The following PDXDC1 variants were observed in gnomAD, a reference collection of about 807,000 sequenced individuals.
The protein encoded by PDXDC1 is pyridoxal-dependent decarboxylase domain-containing protein 1.
PDXDC1 carries 42 observed loss-of-function variants against 100.1 expected under a neutral mutation model. The ratio of observed to expected loss-of-function variants is 0.42; its 90% confidence interval spans 0.33 to 0.54. The LOEUF (loss-of-function observed/expected upper bound fraction) is 0.54, where lower values mean the gene tolerates loss of function less well. PDXDC1 is among the 20% of genes least tolerant of loss of function. The pLI is 0.10. For synonymous variants in PDXDC1, 260 were observed against 371.7 expected (o/e 0.70, Z 3.46); for missense variants, 636 against 979.2 (o/e 0.65, Z 4.68).
chr16:15,083,967 C>T (rs1192663299), intron 16 of PDXDC1, among the ~76,000 whole-genome samples: 1 of 152,340 alleles, frequency 6.6e-6, no homozygotes, highest in Admixed American at 6.5e-5. Context: ...CCGCCCGCCT[C>T]GGCCTCCCAA....
chr16:15,072,096 TCTC>T (rs1289330115), intron 16 of PDXDC1, among the ~76,000 whole-genome samples: 3 of 151,732 alleles, frequency 2.0e-5, no homozygotes, highest in African/African-American at 4.8e-5. Context: ...ACTTCCAACT[TCTC>T]CTAAATAGCG....
rs556537918 is a variant in PDXDC1, at chr16:15,092,841, A to G, written c.1400-46038A>G. ...CAAATCTCTCAGTGTGGTCTTTAAG[A>G]TCCTACATTAATCTGGCCCCTGCCT... On this transcript the variant is annotated intron_variant, in intron 16 of 16. Coordinates refer to the PDXDC1 transcript ENST00000535621. 2.6e-5 allele frequency among the ~76,000 whole-genome samples: 4 copies of G among 152,200 alleles called. No individual in the cohort carries two copies. The South Asian group carries it at 8.3e-4, about 32-fold the overall frequency.
chr16:15,093,887 G>A (rs2151832720), intron 16 of PDXDC1: 2 of 524,236 alleles, frequency 3.8e-6, no homozygotes, highest in Non-Finnish European at 6.6e-6. Context: ...GCAGTACCCA[G>A]GCCTGGGAAA....
intron 8 of PDXDC1, among the ~76,000 whole-genome samples, chr16:15,013,348 C>CAAAAAAAA (rs1310266362): frequency 1.8e-5 from 2 of 111,814 alleles, no homozygotes; most frequent in African/African-American, 3.5e-5. Context: ...GACCCTATCT[C>CAAAAAAAA]AAAAAAAAAA....
At chr16:15,121,995 G>A (rs113205136) in intron 16 of PDXDC1, 4 of 263,000 alleles carry the variant, frequency 1.5e-5, no homozygotes, top group South Asian at 1.0e-4. Context: ...ACAAAAATTA[G>A]CCAGGCGTGG....
At chr16:15,032,179 C>A in intron 17 of PDXDC1, 1 of 481,878 alleles carries the variant, frequency 2.1e-6, no homozygotes, top group Non-Finnish European at 3.7e-6. Flanking sequence ...GTATATATCA[C>A]TCACTGAGAA....
Position 15,031,844 on chromosome 16 carries a change from G to A in PDXDC1, c.1509G>A (p.Val503=), listed in dbSNP as rs777478705. Residue 503 remains valine, a synonymous_variant, in exon 17 of 23, where the codon GTG becomes GTA. Coordinates refer to ENST00000396410, the MANE Select transcript of PDXDC1 (RefSeq NM_015027.4). ...TGCGTGAAGAGTTCAAGCAGGAAGTGGAAGCAACAGCAGGTCTCCTATATG... is the reference window on the plus strand; with the variant it reads ...TGCGTGAAGAGTTCAAGCAGGAAGTAGAAGCAACAGCAGGTCTCCTATATG... The part of the protein sequence containing the change: ...LQLREEFKQE[V]EATAGLLYVD... 6.2e-7 allele frequency: 1 copy of A among 1,614,040 alleles called. No homozygotes were observed. Among genetic ancestry groups the A allele is most frequent in the Non-Finnish European group, 8.5e-7 (1 of 1,179,958 alleles).
At chr16:15,035,370 A>G in intron 21 of PDXDC1, 79 bp from the exon 22 acceptor site, 1 of 701,434 alleles carries the variant, frequency 1.4e-6, no homozygotes, top group South Asian at 2.0e-5. Context: ...ATTGGGGAGC[A>G]AGGCTGTGTG....
intron 1 of PDXDC1, among the ~76,000 whole-genome samples, chr16:14,981,717 G>A (rs138832596): frequency 4.0e-3 from 616 of 152,196 alleles, no homozygotes; most frequent in African/African-American, 0.014. Flanking sequence ...TCTGAGTCAA[G>A]TGATTAGAGG....
the PDXDC1 span, among the ~76,000 whole-genome samples, chr16:15,148,257 G>A: frequency 1.3e-5 from 2 of 151,730 alleles, no homozygotes; most frequent in African/African-American, 2.4e-5. Context: ...GCGCCCGGCT[G>A]GACAGTGGTT....
chr16:15,055,976 G>C (rs2044498677), intron 16 of PDXDC1: 20 of 1,220,402 alleles, frequency 1.6e-5, no homozygotes, highest in Non-Finnish European at 1.9e-5. Context: ...CGGCATCGCG[G>C]AGGCGGCCGC....
chr16:15,111,367 A>T (rs1388588977), intron 16 of PDXDC1, among the ~76,000 whole-genome samples: 1 of 147,450 alleles, frequency 6.8e-6, no homozygotes, highest in African/African-American at 2.5e-5. Context: ...GAGGCAGGAG[A>T]ATCACTTGAA....
chr16:15,062,117 C>CT (rs1451301918), intron 16 of PDXDC1, among the ~76,000 whole-genome samples: 2 of 152,182 alleles, frequency 1.3e-5, no homozygotes, highest in Non-Finnish European at 2.9e-5. Context: ...AGTTCCGAAT[C>CT]CAGCCTGGGC....
chr16:14,996,995 G>T (rs1430255143), intron 1 of PDXDC1, among the ~76,000 whole-genome samples: 1 of 152,190 alleles, frequency 6.6e-6, no homozygotes, highest in African/African-American at 2.4e-5. Flanking sequence ...GTCATGCGTT[G>T]CCGGTACCCT....
intron 16 of PDXDC1, among the ~76,000 whole-genome samples, chr16:15,066,595 T>C (rs937748773): frequency 6.6e-6 from 1 of 150,872 alleles, no homozygotes; most frequent in Non-Finnish European, 1.5e-5. Context: ...ATCACGCCAC[T>C]GTACTCCAGC....
intron 1 of PDXDC1, among the ~76,000 whole-genome samples, chr16:14,991,794 A>T (rs1370291041): frequency 6.6e-6 from 1 of 152,264 alleles, no homozygotes; most frequent in African/African-American, 2.4e-5. Flanking sequence ...AAGTGCTGGG[A>T]TTACAGGCAT....
intron 1 of PDXDC1, among the ~76,000 whole-genome samples, chr16:14,996,979 G>A (rs1333339327): frequency 2.6e-5 from 4 of 152,262 alleles, no homozygotes; most frequent in Admixed American, 6.5e-5. Flanking sequence ...TTGCCTTGGA[G>A]TGTAGGTCAT....
rs184986413 is a variant in PDXDC1, at chr16:15,068,339, C to T, written c.1399+38283C>T. 2.0e-4 allele frequency: 308 copies of T among 1,508,320 alleles called. 1 individual carries two copies. In the African/African-American group the frequency reaches 4.0e-3, roughly 20 times the overall value. The allele number at this position is 1,508,320 out of a possible 1,614,324, so 93.4% of individuals were successfully genotyped here. ...ACAAATAAGTGAAAAGTGTAAGATA[C>T]TTTTAAAAGCACAAATTATCACACA... is the stretch of plus-strand genomic sequence containing the variant. On this transcript the variant is annotated intron_variant, in intron 16 of 16. Transcript: ENST00000535621.
At chr16:15,035,964 T>A (rs2043416015) in intron 22 of PDXDC1, 52 bp from the exon 23 acceptor site, 1 of 1,547,192 alleles carries the variant, frequency 6.5e-7, no homozygotes, top group African/African-American at 1.4e-5. Context: ...CAGCCTGTGT[T>A]GCAGAAGTAT....
Sources: gnomAD v4.1 joint callset for allele counts (sites outside exome capture counted in the v4.1 genomes callset) on GRCh38, gnomAD v4.1.1 for gene constraint, MANE v1.5 for transcripts, NCBI Gene and HGNC (gene_info 2026-07-23, HGNC 2026-07-21) for gene names.